Variants in SH3BGRL2 observed in about 807,000 individuals in gnomAD.
SH3BGRL2 encodes the protein SH3 domain binding glutamate rich protein like 2.
SH3BGRL2 carries 21 observed loss-of-function variants against 14.8 expected under a neutral mutation model. That is an observed-to-expected ratio of 1.42 (90% CI 1.01 to 2.05). The LOEUF (loss-of-function observed/expected upper bound fraction) is 2.05. SH3BGRL2 is among the 30% of genes most tolerant of loss of function. The probability of loss-of-function intolerance (pLI) is 0.00; values close to 1 mark genes in which losing one functional copy is unlikely to be tolerated. For synonymous variants in SH3BGRL2, 50 were observed against 47.8 expected (o/e 1.05, Z -0.19); for missense variants, 147 against 130.8 (o/e 1.12, Z -0.61).
At chr6:79,607,402 G>A in the SH3BGRL2 span, among the ~76,000 whole-genome samples, 3 of 152,086 alleles carry the variant, frequency 2.0e-5, no homozygotes, top group Non-Finnish European at 4.4e-5. Context: ...GCAGAATTCT[G>A]GGCTCTTATT....
chr6:79,639,710 A>G (rs1768994686), intron 1 of SH3BGRL2, among the ~76,000 whole-genome samples: 1 of 152,198 alleles, frequency 6.6e-6, no homozygotes, highest in Non-Finnish European at 1.5e-5. Flanking sequence ...TTTTAAAAAA[A>G]TCACCCTCCA....
At chr6:79,608,238 G>A in the SH3BGRL2 span, among the ~76,000 whole-genome samples, 677 of 152,250 alleles carry the variant, frequency 4.4e-3, 14 homozygotes, top group East Asian at 0.048. Context: ...TGAGACTTGC[G>A]TGGGGATACA....
chr6:79,560,867 CTTTTTTTTTTTTTTTT>C, the SH3BGRL2 span, among the ~76,000 whole-genome samples: 1 of 45,784 alleles, frequency 2.2e-5, no homozygotes, highest in Non-Finnish European at 3.8e-5. Context: ...ACAATACACT[CTTTTTTTTTTTTTTTT>C]TTTTTTTTTT....
chr6:79,676,229 G>T (rs1020427189), intron 2 of SH3BGRL2, among the ~76,000 whole-genome samples: 3 of 151,946 alleles, frequency 2.0e-5, no homozygotes, highest in African/African-American at 4.8e-5. Flanking sequence ...CCTATTTTCA[G>T]TCTCTCTTCA....
At chr6:79,568,583 G>A in the SH3BGRL2 span, among the ~76,000 whole-genome samples, 19 of 152,156 alleles carry the variant, frequency 1.2e-4, no homozygotes, top group African/African-American at 4.3e-4. Flanking sequence ...AAAAAAAATT[G>A]GAGGAATGAT....
upstream of SH3BGRL2, among the ~76,000 whole-genome samples, chr6:79,630,031 A>G (rs1404268414): frequency 6.6e-6 from 1 of 152,252 alleles, no homozygotes; most frequent in African/African-American, 2.4e-5. Context: ...CATTTATGGT[A>G]GCAAAATTAA....
At chr6:79,648,262 A>ATATATATATATATATG (rs1157805718) in intron 1 of SH3BGRL2, among the ~76,000 whole-genome samples, 20 of 99,842 alleles carry the variant, frequency 2.0e-4, no homozygotes, top group Non-Finnish European at 4.1e-4. Flanking sequence ...TGGCATATAT[A>ATATATATATATATATG]TATATATATA....
At chr6:79,545,979 T>C in the SH3BGRL2 span, among the ~76,000 whole-genome samples, 17 of 152,268 alleles carry the variant, frequency 1.1e-4, no homozygotes, top group African/African-American at 4.1e-4. Context: ...TAACACTGAC[T>C]TTCCAGGGAT....
At chr6:79,624,848 A>G in the SH3BGRL2 span, among the ~76,000 whole-genome samples, 1,020 of 151,540 alleles carry the variant, frequency 6.7e-3, 15 homozygotes, top group African/African-American at 0.023. Flanking sequence ...AAAGAACCCT[A>G]TTGGTTGAGG....
At chr6:79,587,345 G>C in the SH3BGRL2 span, among the ~76,000 whole-genome samples, 5 of 152,060 alleles carry the variant, frequency 3.3e-5, no homozygotes, top group Non-Finnish European at 5.9e-5. Flanking sequence ...AAGTAACTGT[G>C]GACCTTAGAA....
the SH3BGRL2 span, among the ~76,000 whole-genome samples, chr6:79,572,301 A>T: frequency 6.6e-6 from 1 of 152,208 alleles, no homozygotes; most frequent in South Asian, 2.1e-4. Context: ...TAATATGTAA[A>T]GCATGCTCTT....
rs1300091138 is a variant in SH3BGRL2 at position 79,703,562 on chromosome 6, T to C, written c.*4053T>C. The C allele has an allele frequency of 6.6e-6, 1 of 152,204 alleles. No individual in the cohort carries two copies. Among genetic ancestry groups the C allele is most frequent in the African/African-American group, 2.4e-5 (1 of 41,456 alleles). 9.4% of individuals were successfully genotyped at this position (152,204 alleles called of 1,614,324 possible). A position where few individuals can be genotyped will look rare whatever the true frequency, so the allele number is the denominator to read the frequency against. Reference sequence around the variant, plus strand: ...CCCTGTCTGATAGAGGGAACCCCTGTACTGAACTTTGTGTTGACCATAGCC... The same window carrying C: ...CCCTGTCTGATAGAGGGAACCCCTGCACTGAACTTTGTGTTGACCATAGCC... On this transcript the variant is annotated 3_prime_UTR_variant, in exon 4 of 4. Coordinates refer to ENST00000369838, the MANE Select transcript of SH3BGRL2 (RefSeq NM_031469.4).
the SH3BGRL2 span, among the ~76,000 whole-genome samples, chr6:79,606,371 T>C: frequency 6.6e-6 from 1 of 152,230 alleles, no homozygotes; most frequent in African/African-American, 2.4e-5. Flanking sequence ...CTGAAAAATG[T>C]ATTTTCTCCA....
upstream of SH3BGRL2, among the ~76,000 whole-genome samples, chr6:79,630,885 C>G (rs1768808083): frequency 6.6e-6 from 1 of 152,126 alleles, no homozygotes; most frequent in Non-Finnish European, 1.5e-5. Flanking sequence ...GCACCCGGCT[C>G]GCCGATCCCG....
upstream of SH3BGRL2, among the ~76,000 whole-genome samples, chr6:79,629,485 C>G (rs1720961053): frequency 6.6e-6 from 1 of 152,052 alleles, no homozygotes; most frequent in Non-Finnish European, 1.5e-5. Flanking sequence ...GCAGAAATCC[C>G]AAGGAGCTGA....
At chr6:79,540,895 G>A in the SH3BGRL2 span, among the ~76,000 whole-genome samples, 1 of 152,176 alleles carries the variant, frequency 6.6e-6, no homozygotes, top group South Asian at 2.1e-4. Flanking sequence ...AGGATCAAGT[G>A]GAAGGGACTG....
chr6:79,675,840 T>C (rs1026271850), intron 2 of SH3BGRL2, among the ~76,000 whole-genome samples: 2 of 152,110 alleles, frequency 1.3e-5, no homozygotes, highest in Admixed American at 1.3e-4. Context: ...GTTGTTCCTG[T>C]TTTCATTGAT....
chr6:79,556,936 A>G, the SH3BGRL2 span, among the ~76,000 whole-genome samples: 165 of 152,098 alleles, frequency 1.1e-3, 1 homozygote, highest in Admixed American at 6.3e-3. Flanking sequence ...AACTTCTTAA[A>G]ATATATGTTC....
At chr6:79,626,880 G>A (rs954176115), upstream of SH3BGRL2, among the ~76,000 whole-genome samples, 1 of 152,086 alleles carries the variant, frequency 6.6e-6, no homozygotes, top group Non-Finnish European at 1.5e-5. Flanking sequence ...CTTTACATAG[G>A]TATTCTGGTC....
Sources: allele counts gnomAD v4.1 joint callset (sites outside exome capture counted in the v4.1 genomes callset), GRCh38; gene constraint gnomAD v4.1.1; transcripts MANE v1.5; gene names NCBI Gene and HGNC (gene_info 2026-07-23, HGNC 2026-07-21).